ZNF831: variants seen among roughly 807,000 people sequenced by gnomAD.
ZNF831 encodes the protein chromosome 20 open reading frame 174.
Under a neutral mutation model 95.8 loss-of-function variants are expected in ZNF831, and 59 were observed. That is an observed-to-expected ratio of 0.62 (90% CI 0.50 to 0.77). The LOEUF (loss-of-function observed/expected upper bound fraction) is 0.77. Ranked by LOEUF, ZNF831 falls within the 30% of genes least tolerant of loss-of-function variation. The probability of loss-of-function intolerance (pLI) is 0.00; values close to 1 mark genes in which losing one functional copy is unlikely to be tolerated. For missense variants in ZNF831, 2,205 were observed against 2,164.0 expected, an observed-to-expected ratio of 1.02 and a Z score of -0.38; for synonymous variants, 961 against 925.5, an observed-to-expected ratio of 1.04 and a Z score of -0.70.
At chr20:59,181,072 T>A (rs956109070) in intron 1 of ZNF831, among the ~76,000 whole-genome samples, 3 of 152,244 alleles carry the variant, frequency 2.0e-5, no homozygotes, top group Non-Finnish European at 4.4e-5. Context: ...CCATTCTAAC[T>A]GGCACGAGAT....
rs11905883 is a variant in ZNF831, at chr20:59,151,062, G to A, written c.-1281+4688G>A. Among the ~76,000 whole-genome samples, 1,290 of 152,312 alleles carry A rather than the reference G, an allele frequency of 8.5e-3. 17 individuals are homozygous for A. The highest frequency in any genetic ancestry group is 0.029 in the African/African-American group (1,201 of 41,566). Reference sequence around the variant, plus strand: ...GGGTTTCCGATAGTGCAGGGGTACCGGGCTGATAGCGGCTGGGTCTCTGGA... The same window carrying A: ...GGGTTTCCGATAGTGCAGGGGTACCAGGCTGATAGCGGCTGGGTCTCTGGA... On this transcript the variant is annotated intron_variant, in intron 2 of 7. Transcript: ENST00000637017.
rs895887992 is a variant in ZNF831 at position 59,183,114 on chromosome 20, G to C, written c.-36-7870G>C. ...TTCTGGGAAGTTGGGGCACCTGAGG[G>C]CTGGCAGCAGTGGGGGAGTGTTACC... On this transcript the variant is annotated intron_variant, in intron 1 of 5. Transcript: ENST00000371030. 3.3e-5 allele frequency among the ~76,000 whole-genome samples: 5 copies of C among 152,328 alleles called. No individual in the cohort carries two copies. The East Asian group carries it at 9.6e-4, about 29-fold the overall frequency.
intron 4 of ZNF831, among the ~76,000 whole-genome samples, chr20:59,214,549 A>G (rs1198890634): frequency 1.3e-5 from 2 of 152,228 alleles, no homozygotes; most frequent in Non-Finnish European, 2.9e-5. Flanking sequence ...AGAAATTCAC[A>G]GCAAATCATG....
rs1465303079 is a variant in ZNF831, at chr20:59,254,600, A to G, written c.4891A>G (p.Lys1631Glu). ...ITRKDSVVPS[K>E]PEQPIEIPEA... The stretch of plus-strand genomic sequence containing the variant: ...TCGGAAAGATTCTGTGGTTCCTTCT[A>G]AGCCAGAGCAGCCCATAGAAATTCC... The change falls in exon 6 of 6, where the codon AAG becomes GAG. Residue 1631 changes from lysine to glutamate, a missense_variant. By Grantham distance (56) the Lys-to-Glu change is moderately conservative. Transcript: ENST00000371030. The surrounding 1 kb of genome is among the most constrained non-coding windows in gnomAD (Gnocchi z 4.5). The G allele has an allele frequency of 1.2e-6, 2 of 1,614,054 alleles. No individual in the cohort carries two copies. The highest frequency in any genetic ancestry group is 2.7e-5 in the African/African-American group (2 of 75,040).
At chr20:59,168,658 T>C (rs1981485566) in intron 1 of ZNF831, among the ~76,000 whole-genome samples, 2 of 152,140 alleles carry the variant, frequency 1.3e-5, no homozygotes, top group Admixed American at 1.3e-4. Flanking sequence ...TGGACATCTT[T>C]CTTTTTCCTG....
rs1438731001 is a variant in ZNF831 at position 59,252,968 on chromosome 20, C to T, written c.4028-10C>T. The T allele has an allele frequency of 6.2e-7, 1 of 1,612,540 alleles. No homozygotes were observed. On this transcript the variant is annotated splice_polypyrimidine_tract_variant and intron_variant, in intron 4 of 5. Coordinates refer to ENST00000371030, the MANE Select transcript of ZNF831 (RefSeq NM_178457.3). ...TCCAGTCATATGTAAATGTGCCTCT[C>T]CCCTTGCAGGTCTGAATCTGCAAGA...
intron 4 of ZNF831, among the ~76,000 whole-genome samples, chr20:59,240,388 TAAAGG>T (rs1231350018): frequency 6.6e-6 from 1 of 152,220 alleles, no homozygotes; most frequent in Admixed American, 6.5e-5. Flanking sequence ...AGGAAAGATG[TAAAGG>T]CTTTTTCTAC....
chr20:59,124,341 C>A (rs1000043647), intron 1 of ZNF831, among the ~76,000 whole-genome samples: 1 of 152,170 alleles, frequency 6.6e-6, no homozygotes, highest in Non-Finnish European at 1.5e-5. Context: ...CAGCTGGGTA[C>A]AGAGTCTGAT....
At chr20:59,222,418 C>G (rs1364927455) in intron 4 of ZNF831, among the ~76,000 whole-genome samples, 1 of 152,086 alleles carries the variant, frequency 6.6e-6, no homozygotes, top group African/African-American at 2.4e-5. Context: ...AAAGCCCGGG[C>G]CCCCTCCGCC....
chr20:59,123,748 C>G (rs754393166), intron 1 of ZNF831, among the ~76,000 whole-genome samples: 4 of 152,134 alleles, frequency 2.6e-5, no homozygotes, highest in Non-Finnish European at 5.9e-5. Context: ...CCCATTAATT[C>G]CCAGGAGCAT....
At chr20:59,149,505 G>A (rs1980094934) in intron 2 of ZNF831, among the ~76,000 whole-genome samples, 1 of 152,210 alleles carries the variant, frequency 6.6e-6, no homozygotes, top group African/African-American at 2.4e-5. Context: ...GTATCTTAAA[G>A]ATATAAAACT....
chr20:59,132,400 G>C (rs920536274), intron 1 of ZNF831, among the ~76,000 whole-genome samples: 1 of 150,932 alleles, frequency 6.6e-6, no homozygotes. Flanking sequence ...ACGATTAATC[G>C]CTGTGCCCAT....
intron 1 of ZNF831, among the ~76,000 whole-genome samples, chr20:59,177,373 A>G (rs896907208): frequency 4.6e-5 from 7 of 152,250 alleles, no homozygotes; most frequent in Non-Finnish European, 1.0e-4. Context: ...CTGTGGGTGC[A>G]GTTCCTCTGA....
chr20:59,135,471 C>T (rs1979472856), intron 1 of ZNF831, among the ~76,000 whole-genome samples: 1 of 152,178 alleles, frequency 6.6e-6, no homozygotes, highest in African/African-American at 2.4e-5. Context: ...GTGGCTCACG[C>T]CTGTAATCCC....
intron 1 of ZNF831, among the ~76,000 whole-genome samples, chr20:59,137,407 G>A (rs947300854): frequency 6.6e-6 from 1 of 151,988 alleles, no homozygotes; most frequent in Non-Finnish European, 1.5e-5. Context: ...AGAACAGGGA[G>A]TGCCAAGATG....
intron 4 of ZNF831, among the ~76,000 whole-genome samples, chr20:59,251,728 C>T (rs1469605788): frequency 4.6e-5 from 7 of 152,134 alleles, no homozygotes; most frequent in Non-Finnish European, 7.4e-5. Context: ...TGAAATGAAA[C>T]CTCAGACAAT....
chr20:59,171,992 A>G (rs903543023), intron 1 of ZNF831, among the ~76,000 whole-genome samples: 1 of 152,216 alleles, frequency 6.6e-6, no homozygotes, highest in Non-Finnish European at 1.5e-5. Flanking sequence ...AAAGATTTAC[A>G]GTGTATCCTT....
chr20:59,164,209 T>C lies in ZNF831; in HGVS notation c.-37+2T>C, dbSNP rs1981073263. 6.6e-6 allele frequency among the ~76,000 whole-genome samples: 1 copy of C among 152,176 alleles called. No individual in the cohort carries two copies. Among genetic ancestry groups the C allele is most frequent in the Admixed American group, 6.5e-5 (1 of 15,270 alleles). Reference sequence around the variant, plus strand: ...GAAAACACTCCACTGTTTATAAAGGTATGTAACATGCTCCATGACATAAGC... The same window carrying C: ...GAAAACACTCCACTGTTTATAAAGGCATGTAACATGCTCCATGACATAAGC... On this transcript the variant is annotated splice_donor_variant, in intron 1 of 5. Transcript: ENST00000371030. LOFTEE classifies it low-confidence loss of function (5UTR_SPLICE).
rs951558483 is a variant in ZNF831 at position 59,259,038 on chromosome 20, T to C, written c.*4295T>C. ...ACAATCAGGGAAATGATTGGCTTCT[T>C]GGTTGTTTGTTGAACTTTCTTTCTT... is the stretch of plus-strand genomic sequence containing the variant. On this transcript the variant is annotated 3_prime_UTR_variant, in exon 6 of 6. Coordinates refer to ENST00000371030, the MANE Select transcript of ZNF831 (RefSeq NM_178457.3). 2 of 152,238 alleles carry C rather than the reference T, an allele frequency of 1.3e-5. No individual in the cohort carries two copies. The highest frequency in any genetic ancestry group is 2.9e-5 in the Non-Finnish European group (2 of 68,042). 9.4% of individuals were successfully genotyped at this position (152,238 alleles called of 1,614,324 possible). A position where few individuals can be genotyped will look rare whatever the true frequency, so the allele number is the denominator to read the frequency against.
Sources: gnomAD v4.1 joint callset for allele counts (sites outside exome capture counted in the v4.1 genomes callset) on GRCh38, gnomAD v4.1.1 for gene constraint, Gnocchi (gnomAD v3.1) non-coding constraint, MANE v1.5 for transcripts, NCBI Gene and HGNC (gene_info 2026-07-23, HGNC 2026-07-21) for gene names.